EXOC6B: variants seen among roughly 807,000 people sequenced by gnomAD.
EXOC6B encodes the protein exocyst complex component 6B.
Under a neutral mutation model 113.5 loss-of-function variants are expected in EXOC6B, and 54 were observed. The ratio of observed to expected loss-of-function variants is 0.48; its 90% CI spans 0.38 to 0.60. The LOEUF (loss-of-function observed/expected upper bound fraction) is 0.60, where lower values mean the gene tolerates loss of function less well. Among genes scored for constraint, EXOC6B ranks in the 20% least tolerant of loss-of-function variants. The pLI is 0.00. For synonymous variants in EXOC6B, 357 were observed against 339.0 expected (o/e 1.05, Z -0.58); for missense variants, 797 against 977.5 (o/e 0.82, Z 2.46).
At chr2:72,726,652 ATAACT>A (rs1056654322) in intron 5 of EXOC6B, among the ~76,000 whole-genome samples, 8 of 152,076 alleles carry the variant, frequency 5.3e-5, no homozygotes, top group African/African-American at 7.3e-5. Context: ...TTATGACATA[ATAACT>A]TAACAATAAT....
At chr2:72,774,606 T>C (rs1468143279) in intron 1 of EXOC6B, among the ~76,000 whole-genome samples, 2 of 152,214 alleles carry the variant, frequency 1.3e-5, no homozygotes, top group Admixed American at 1.3e-4. Flanking sequence ...TATATACATA[T>C]AAATCAGTAC....
chr2:72,357,626 G>A (rs956657257), intron 19 of EXOC6B, among the ~76,000 whole-genome samples: 1 of 152,012 alleles, frequency 6.6e-6, no homozygotes, highest in African/African-American at 2.4e-5. Context: ...AGAAGGCAGA[G>A]GTTGCAGTGA....
intron 19 of EXOC6B, among the ~76,000 whole-genome samples, chr2:72,377,511 A>G (rs1350355721): frequency 6.6e-6 from 1 of 152,214 alleles, no homozygotes; most frequent in African/African-American, 2.4e-5. Context: ...ACAATAAAAT[A>G]TGGAATATTA....
intron 19 of EXOC6B, among the ~76,000 whole-genome samples, chr2:72,370,496 G>GC (rs1690931329): frequency 6.6e-6 from 1 of 152,114 alleles, no homozygotes; most frequent in South Asian, 2.1e-4. Context: ...ATTTGACCCA[G>GC]CCATCCCATT....
intron 20 of EXOC6B, among the ~76,000 whole-genome samples, chr2:72,233,229 C>T (rs1681742231): frequency 6.6e-6 from 1 of 152,014 alleles, no homozygotes; most frequent in African/African-American, 2.4e-5. Flanking sequence ...GGCAGGGTGG[C>T]AGGAGAGGCC....
chr2:72,757,080 T>A (rs1682461450), intron 1 of EXOC6B, among the ~76,000 whole-genome samples: 1 of 152,212 alleles, frequency 6.6e-6, no homozygotes, highest in Non-Finnish European at 1.5e-5. Flanking sequence ...AAACATGTAT[T>A]GCTTTTCCAA....
intron 18 of EXOC6B, among the ~76,000 whole-genome samples, chr2:72,414,994 T>C (rs531217385): frequency 6.6e-6 from 1 of 152,270 alleles, no homozygotes; most frequent in African/African-American, 2.4e-5. Context: ...GCCCACTGAG[T>C]TGGCTGAGTT....
In EXOC6B at chr2:72,459,544, A is replaced by G. The variant is rs558346486; in HGVS notation, c.1980+5616T>C. Among the ~76,000 whole-genome samples, 377 of 152,302 alleles carry G rather than the reference A, an allele frequency of 2.5e-3. 2 individuals carry two copies. Among genetic ancestry groups the G allele is most frequent in the African/African-American group, 8.3e-3 (346 of 41,564 alleles). ...AAATCAATGTACAAAAGTCACAAGC[A>G]TTCTTATACACCAATAACAGACAAA... On this transcript the variant is annotated intron_variant, in intron 18 of 21. Coordinates refer to ENST00000272427, the MANE Select transcript of EXOC6B (RefSeq NM_015189.3).
At chr2:72,423,508 G>GT (rs1310158204) in intron 18 of EXOC6B, among the ~76,000 whole-genome samples, 2 of 152,120 alleles carry the variant, frequency 1.3e-5, no homozygotes, top group African/African-American at 4.8e-5. Flanking sequence ...GTTGCAAATT[G>GT]TTCTCTAGTT....
intron 20 of EXOC6B, among the ~76,000 whole-genome samples, chr2:72,231,867 C>T (rs1263255664): frequency 1.3e-5 from 2 of 152,060 alleles, no homozygotes; most frequent in South Asian, 2.1e-4. Context: ...AAGCATGTGG[C>T]GATTTCTCAG....
chr2:72,611,561 T>C (rs1319926838), intron 6 of EXOC6B, among the ~76,000 whole-genome samples: 1 of 152,188 alleles, frequency 6.6e-6, no homozygotes, highest in Admixed American at 6.5e-5. Flanking sequence ...GATGTGCCAG[T>C]ACTAATTTCT....
chr2:72,716,991 C>T (rs6546783), intron 6 of EXOC6B, among the ~76,000 whole-genome samples: 139,906 of 152,212 alleles, frequency 0.92, 64,396 homozygotes, highest in East Asian at 0.99. Context: ...ATTCAAAATA[C>T]GTACCCAGCA....
intron 1 of EXOC6B, among the ~76,000 whole-genome samples, chr2:72,815,015 G>A (rs7588602): frequency 1.3e-5 from 2 of 152,198 alleles, no homozygotes; most frequent in African/African-American, 2.4e-5. Flanking sequence ...AAATAAAATG[G>A]CTTTGTTTAC....
chr2:72,553,045 A>G (rs1357775302), intron 8 of EXOC6B, among the ~76,000 whole-genome samples: 1 of 151,774 alleles, frequency 6.6e-6, no homozygotes, highest in East Asian at 1.9e-4. Flanking sequence ...GAGATATAGG[A>G]AAAAAAAGTC....
chr2:72,677,265 C>T (rs978155570), intron 6 of EXOC6B, among the ~76,000 whole-genome samples: 6 of 151,972 alleles, frequency 3.9e-5, no homozygotes, highest in Non-Finnish European at 8.8e-5. Context: ...TGTGCAATGG[C>T]TCGCATCTGT....
chr2:72,214,509 A>G (rs1470697938), intron 20 of EXOC6B, among the ~76,000 whole-genome samples: 1 of 150,680 alleles, frequency 6.6e-6, no homozygotes, highest in African/African-American at 2.5e-5. Context: ...AAAAAAGATT[A>G]CTTATTATCA....
chr2:72,714,926 T>C (rs1304014092), intron 6 of EXOC6B, among the ~76,000 whole-genome samples: 3 of 152,154 alleles, frequency 2.0e-5, no homozygotes, highest in African/African-American at 7.2e-5. Context: ...CTACTACATT[T>C]TGAGGGAATG....
chr2:72,280,039 A>G (rs997619006), intron 20 of EXOC6B, among the ~76,000 whole-genome samples: 1 of 152,196 alleles, frequency 6.6e-6, no homozygotes, highest in African/African-American at 2.4e-5. Context: ...AAACCAAGAA[A>G]TGCTTCTTAA....
chr2:72,748,042 T>C (rs1280886229), intron 1 of EXOC6B, among the ~76,000 whole-genome samples: 1 of 151,980 alleles, frequency 6.6e-6, no homozygotes, highest in African/African-American at 2.4e-5. Context: ...TGGAAAAAGG[T>C]AGGAGACTAA....
Sources: gnomAD v4.1 joint callset for allele counts (sites outside exome capture counted in the v4.1 genomes callset) on GRCh38, gnomAD v4.1.1 for gene constraint, MANE v1.5 for transcripts, NCBI Gene and HGNC (gene_info 2026-07-23, HGNC 2026-07-21) for gene names.